Variants in GALNT14 observed in about 807,000 individuals in gnomAD.
GALNT14 encodes the protein polypeptide N-acetylgalactosaminyltransferase 14.
GALNT14 carries 60 observed loss-of-function variants against 77.5 expected under a neutral mutation model. The observed-to-expected ratio is 0.77, with a 90% CI of 0.63 to 0.96. The LOEUF is 0.96. Among genes scored for constraint, GALNT14 ranks in the 40% least tolerant of loss-of-function variants. GALNT14 has a pLI of 0.00. For synonymous variants in GALNT14, 280 were observed against 281.7 expected, an observed-to-expected ratio of 0.99 and a Z score of 0.06; for missense variants, 710 against 731.0, an observed-to-expected ratio of 0.97 and a Z score of 0.33.
intron 1 of GALNT14, among the ~76,000 whole-genome samples, chr2:31,123,181 CAAAA>C (rs11397679): frequency 1.0e-5 from 1 of 96,866 alleles, no homozygotes; most frequent in African/African-American, 4.2e-5. Flanking sequence ...GACTCCATCT[CAAAA>C]AAAAAAAAAA....
intron 1 of GALNT14, among the ~76,000 whole-genome samples, chr2:31,045,640 T>G (rs1428440923): frequency 6.6e-6 from 1 of 152,024 alleles, no homozygotes; most frequent in Non-Finnish European, 1.5e-5. Flanking sequence ...TTTTTGCATT[T>G]TTTGTAGAGA....
At chr2:31,079,584 C>T (rs1676028409) in intron 1 of GALNT14, among the ~76,000 whole-genome samples, 1 of 152,126 alleles carries the variant, frequency 6.6e-6, no homozygotes, top group South Asian at 2.1e-4. Flanking sequence ...ATTCTCCTGC[C>T]CAGCCTGCTG....
intron 1 of GALNT14, among the ~76,000 whole-genome samples, chr2:31,130,779 T>A: frequency 7.7e-6 from 1 of 130,112 alleles, no homozygotes; most frequent in Admixed American, 7.3e-5. Flanking sequence ...TGTGTGTGTG[T>A]GTGTGCGCGC....
intron 3 of GALNT14, among the ~76,000 whole-genome samples, chr2:30,965,704 G>A (rs1269520414): frequency 1.3e-5 from 2 of 152,192 alleles, no homozygotes; most frequent in African/African-American, 4.8e-5. Flanking sequence ...TGGAACTGCA[G>A]GTAGATGGTC....
At chr2:30,918,145 T>A (rs1020397598) in intron 13 of GALNT14, among the ~76,000 whole-genome samples, 12 of 152,188 alleles carry the variant, frequency 7.9e-5, no homozygotes, top group African/African-American at 2.9e-4. Context: ...ATGAACCCAC[T>A]TTTGGGGTCT....
At chr2:31,015,764 G>A (rs12988326) in intron 1 of GALNT14, among the ~76,000 whole-genome samples, 1 of 152,060 alleles carries the variant, frequency 6.6e-6, no homozygotes, top group Middle Eastern at 3.2e-3. Context: ...AAACCCAATG[G>A]AGAGACATTC....
At chr2:30,928,186 A>T (rs1297353093) in intron 11 of GALNT14, among the ~76,000 whole-genome samples, 1 of 152,098 alleles carries the variant, frequency 6.6e-6, no homozygotes, top group Non-Finnish European at 1.5e-5. Context: ...CAGAGATGCA[A>T]ATCATTTTGG....
intron 13 of GALNT14, 22 bp from the exon 14 acceptor site, chr2:30,912,364 A>C (rs1166370984): frequency 6.2e-7 from 1 of 1,612,724 alleles, no homozygotes; most frequent in Non-Finnish European, 8.5e-7. Context: ...GAGACCAGGA[A>C]GGTTTGTTCA....
Position 30,932,209 on chromosome 2 carries a change from C to T in GALNT14, c.932-15G>A, listed in dbSNP as rs202109411. The T allele has an allele frequency of 2.6e-5, 38 of 1,474,176 alleles. 1 individual carries two copies. Among genetic ancestry groups the T allele is most frequent in the East Asian group, 2.3e-4 (9 of 38,430 alleles). 91.3% of individuals were successfully genotyped at this position (1,474,176 alleles called of 1,614,324 possible). ...GAAGGAGATTTCTGCAAGACAGTCA[C>T]GCCCCTCCTATGACCTCTTATCACT... On this transcript the variant is annotated splice_polypyrimidine_tract_variant and intron_variant, in intron 9 of 14. Coordinates refer to ENST00000349752, the MANE Select transcript of GALNT14 (RefSeq NM_024572.4).
chr2:31,051,008 C>T (rs1374950862), intron 1 of GALNT14, among the ~76,000 whole-genome samples: 2 of 152,094 alleles, frequency 1.3e-5, no homozygotes, highest in Admixed American at 6.5e-5. Context: ...CCAAGAGATG[C>T]TGCGCCACCT....
chr2:31,130,519 G>A (rs892250379), intron 1 of GALNT14, among the ~76,000 whole-genome samples: 1 of 152,160 alleles, frequency 6.6e-6, no homozygotes, highest in African/African-American at 2.4e-5. Flanking sequence ...GAAAGAGGAT[G>A]CCCTAGGTGG....
the GALNT14 span, among the ~76,000 whole-genome samples, chr2:30,898,057 G>T: frequency 1.3e-5 from 2 of 152,152 alleles, no homozygotes; most frequent in African/African-American, 2.4e-5. Context: ...GGGTGTTAAG[G>T]AGTGCAGCCT....
At chr2:31,136,752 A>G (rs931495573) in intron 1 of GALNT14, among the ~76,000 whole-genome samples, 6 of 152,184 alleles carry the variant, frequency 3.9e-5, no homozygotes, top group Non-Finnish European at 8.8e-5. Flanking sequence ...AAACCAGTAG[A>G]ACGACTTAAG....
chr2:31,056,700 G>A (rs553935602), intron 1 of GALNT14, among the ~76,000 whole-genome samples: 32 of 152,078 alleles, frequency 2.1e-4, no homozygotes, highest in Non-Finnish European at 4.1e-4. Flanking sequence ...TATTGAAATC[G>A]GGTATTTCAA....
intron 6 of GALNT14, among the ~76,000 whole-genome samples, chr2:30,948,698 A>C (rs1230139183): frequency 6.6e-6 from 1 of 152,114 alleles, no homozygotes; most frequent in Non-Finnish European, 1.5e-5. Flanking sequence ...TGCTGGTTTT[A>C]ATTTGTATCC....
intron 1 of GALNT14, among the ~76,000 whole-genome samples, chr2:31,076,430 A>G (rs1343726320): frequency 1.3e-5 from 2 of 152,096 alleles, no homozygotes; most frequent in African/African-American, 4.8e-5. Context: ...CCCCGCTCTG[A>G]GACCACCATC....
At chr2:30,968,118 T>C (rs1383855474) in intron 2 of GALNT14, among the ~76,000 whole-genome samples, 1 of 152,228 alleles carries the variant, frequency 6.6e-6, no homozygotes, top group Non-Finnish European at 1.5e-5. Flanking sequence ...GAGACTCTCC[T>C]CAACTTGACT....
the GALNT14 span, among the ~76,000 whole-genome samples, chr2:30,898,018 A>G: frequency 6.6e-6 from 1 of 152,280 alleles, no homozygotes; most frequent in Admixed American, 6.5e-5. Context: ...CCTCAAACTC[A>G]TATGTTAAAA....
rs1668511581 is a variant in GALNT14, at chr2:30,974,174, C to A, written c.300-7872G>T. On this transcript the variant is annotated intron_variant, in intron 2 of 14. Transcript: ENST00000349752. ...TCCCCAGCTCACTATGCACTATGTG[C>A]CAAAACCAAGAGATATTCTCTAATC... 2.6e-5 allele frequency among the ~76,000 whole-genome samples: 4 copies of A among 152,178 alleles called. No homozygotes were observed. The South Asian group carries it at 8.3e-4, about 32-fold the overall frequency.
Sources: allele counts gnomAD v4.1 joint callset (sites outside exome capture counted in the v4.1 genomes callset), GRCh38; gene constraint gnomAD v4.1.1; transcripts MANE v1.5; gene names NCBI Gene and HGNC (gene_info 2026-07-23, HGNC 2026-07-21).